ADGRL2: variants seen among roughly 807,000 people sequenced by gnomAD.
ADGRL2 encodes the protein adhesion G protein-coupled receptor L2.
ADGRL2 carries 44 observed loss-of-function variants against 157.4 expected under a neutral mutation model. The observed-to-expected ratio is 0.28, with a 90% CI of 0.22 to 0.36. ADGRL2 has a LOEUF of 0.36. Ranked by LOEUF, ADGRL2 falls within the 10% of genes least tolerant of loss-of-function variation. ADGRL2 has a pLI of 1.00. For synonymous variants in ADGRL2, 585 were observed against 624.7 expected (o/e 0.94, Z 0.95); for missense variants, 1,510 against 1,768.9 (o/e 0.85, Z 2.63).
chr1:81,361,792 G>A (rs1275366175), intron 1 of ADGRL2, among the ~76,000 whole-genome samples: 1 of 151,794 alleles, frequency 6.6e-6, no homozygotes. Context: ...ATTATATACA[G>A]GGCATTGGAA....
intron 3 of ADGRL2, among the ~76,000 whole-genome samples, chr1:81,629,987 C>G (rs1278209562): frequency 6.6e-6 from 1 of 151,732 alleles, no homozygotes. Flanking sequence ...TGTGTGCGTA[C>G]ATATCCATAT....
intron 2 of ADGRL2, among the ~76,000 whole-genome samples, chr1:81,860,865 T>C (rs12135761): frequency 0.27 from 41,704 of 152,114 alleles, 6,421 homozygotes; most frequent in Middle Eastern, 0.52. Context: ...TATTCTTTAT[T>C]GTTTTCATTT....
intron 1 of ADGRL2, among the ~76,000 whole-genome samples, chr1:81,736,179 C>G (rs2084896327): frequency 6.8e-6 from 1 of 147,906 alleles, no homozygotes; most frequent in African/African-American, 2.5e-5. Context: ...AACTGACAAT[C>G]AGTTTGACTC....
At chr1:81,483,544 A>G (rs1371559679) in intron 2 of ADGRL2, among the ~76,000 whole-genome samples, 1 of 152,204 alleles carries the variant, frequency 6.6e-6, no homozygotes, top group Admixed American at 6.5e-5. Context: ...CACTACATAA[A>G]ACCCAAAACT....
At chr1:81,817,301 A>G (rs1028222856) in intron 1 of ADGRL2, among the ~76,000 whole-genome samples, 1 of 151,770 alleles carries the variant, frequency 6.6e-6, no homozygotes, top group Non-Finnish European at 1.5e-5. Context: ...AAGATTTATG[A>G]ATAGATTGAA....
At chr1:81,613,035 G>A (rs1273162228) in intron 3 of ADGRL2, among the ~76,000 whole-genome samples, 1 of 152,192 alleles carries the variant, frequency 6.6e-6, no homozygotes, top group African/African-American at 2.4e-5. Context: ...AAATAGGGAA[G>A]AGACAAGGAA....
intron 2 of ADGRL2, among the ~76,000 whole-genome samples, chr1:81,512,489 G>A (rs1372252333): frequency 6.6e-6 from 1 of 151,916 alleles, no homozygotes; most frequent in African/African-American, 2.4e-5. Context: ...TTTTTAAGAT[G>A]GTTCTGATTC....
intron 2 of ADGRL2, among the ~76,000 whole-genome samples, chr1:81,767,816 C>T (rs1280198751): frequency 6.9e-6 from 1 of 145,630 alleles, no homozygotes; most frequent in Non-Finnish European, 1.5e-5. Flanking sequence ...TGTGATCATA[C>T]CACTTAACTT....
chr1:81,530,793 TA>T (rs756968865), intron 2 of ADGRL2, among the ~76,000 whole-genome samples: 10 of 152,164 alleles, frequency 6.6e-5, no homozygotes, highest in Non-Finnish European at 1.3e-4. Context: ...TTTAGAAAGT[TA>T]AATACCTGGG....
intron 11 of ADGRL2, among the ~76,000 whole-genome samples, chr1:81,958,240 A>G (rs776035941): frequency 2.0e-5 from 3 of 151,870 alleles, no homozygotes; most frequent in Non-Finnish European, 4.4e-5. Context: ...CTGGGCGACA[A>G]GAGCAAGACT....
At chr1:81,374,870 A>G (rs2076222722) in intron 1 of ADGRL2, among the ~76,000 whole-genome samples, 1 of 152,216 alleles carries the variant, frequency 6.6e-6, no homozygotes, top group Non-Finnish European at 1.5e-5. Flanking sequence ...CTATCCAGGA[A>G]GATGATGCAA....
intron 3 of ADGRL2, among the ~76,000 whole-genome samples, chr1:81,640,895 C>T (rs1351433339): frequency 6.6e-6 from 1 of 151,974 alleles, no homozygotes; most frequent in Non-Finnish European, 1.5e-5. Flanking sequence ...TTAGTCCTTA[C>T]AAAAAAACAG....
intron 3 of ADGRL2, among the ~76,000 whole-genome samples, chr1:81,609,486 C>G (rs111565511): frequency 6.6e-6 from 1 of 152,202 alleles, no homozygotes; most frequent in African/African-American, 2.4e-5. Flanking sequence ...TCTCCCACAA[C>G]CTTGTTTTTG....
chr1:81,324,532 T>C (rs767453050), intron 1 of ADGRL2, among the ~76,000 whole-genome samples: 1 of 149,354 alleles, frequency 6.7e-6, no homozygotes, highest in Non-Finnish European at 1.5e-5. Context: ...TCTATCTATA[T>C]AATATTTTTA....
At chr1:81,987,281 TA>T in intron 22 of ADGRL2, 1 of 1,594,276 alleles carries the variant, frequency 6.3e-7, no homozygotes, top group Non-Finnish European at 8.6e-7. Context: ...CTTAATATAT[TA>T]TTACAGGACT....
intron 1 of ADGRL2, among the ~76,000 whole-genome samples, chr1:81,715,974 A>G (rs961181010): frequency 2.0e-5 from 3 of 152,218 alleles, no homozygotes; most frequent in Admixed American, 2.0e-4. Context: ...AAAGCCCCAC[A>G]GCATCGTAAT....
At chr1:81,442,548 C>T (rs547382048) in intron 1 of ADGRL2, among the ~76,000 whole-genome samples, 1 of 152,128 alleles carries the variant, frequency 6.6e-6, no homozygotes, top group Non-Finnish European at 1.5e-5. Context: ...ACTTAATTAA[C>T]CAAGAGCGGT....
intron 1 of ADGRL2, among the ~76,000 whole-genome samples, chr1:81,823,747 C>G (rs1571449829): frequency 6.6e-6 from 1 of 151,986 alleles, no homozygotes; most frequent in East Asian, 1.9e-4. Flanking sequence ...AGTAGTTAGC[C>G]AAGGGACAAG....
At chr1:81,916,999 T>G (rs898846315) in intron 3 of ADGRL2, among the ~76,000 whole-genome samples, 2 of 151,732 alleles carry the variant, frequency 1.3e-5, no homozygotes, top group South Asian at 4.2e-4. Flanking sequence ...ATATATGTCT[T>G]TTTTTTTCTT....
Sources: allele counts gnomAD v4.1 joint callset (sites outside exome capture counted in the v4.1 genomes callset), GRCh38; gene constraint gnomAD v4.1.1; transcripts MANE v1.5; gene names NCBI Gene and HGNC (gene_info 2026-07-23, HGNC 2026-07-21).